THBS2: variants seen among roughly 807,000 people sequenced by gnomAD.
THBS2 encodes the protein thrombospondin 2, also known as thrombospondin-2.
THBS2 carries 47 observed loss-of-function variants against 135.2 expected under a neutral mutation model. That is an observed-to-expected ratio of 0.35 (90% CI 0.28 to 0.44). THBS2 has a LOEUF of 0.44. Ranked by LOEUF, THBS2 falls within the 20% of genes least tolerant of loss-of-function variation. The probability of loss-of-function intolerance (pLI) is 1.00; values close to 1 mark genes in which losing one functional copy is unlikely to be tolerated. For missense variants in THBS2, 1,288 were observed against 1,603.1 expected (o/e 0.80, Z 3.36); for synonymous variants, 639 against 633.8 (o/e 1.01, Z -0.12).
At chr6:169,231,550 C>T (rs1443428855) in intron 13 of THBS2, among the ~76,000 whole-genome samples, 4 of 152,170 alleles carry the variant, frequency 2.6e-5, no homozygotes, top group African/African-American at 9.7e-5. Flanking sequence ...CTGAGCAGCT[C>T]CTTATACTGC....
chr6:169,250,723 G>A lies in THBS2; in HGVS notation c.52+10C>T, dbSNP rs2115038479. On this transcript the variant is annotated intron_variant, in intron 2 of 21. Transcript: ENST00000617924. ...GCCAGAGAGAGACCACAGGCTCTGA[G>A]GACACTCACCTTGCGTGCTGGGCCA... 1 of 1,612,734 alleles carries A rather than the reference G, an allele frequency of 6.2e-7. No homozygotes were observed. Among genetic ancestry groups the A allele is most frequent in the Non-Finnish European group, 8.5e-7 (1 of 1,179,378 alleles).
At position 169,232,114 on chromosome 6, in the gene THBS2, C is replaced by T. The variant is rs146067041; in HGVS notation, c.2017G>A (p.Asp673Asn). ...TGGCACTCGCACTTGTACATGGGGT[C>T]GCTGAAGTGGCCCAGGTAGATGCAC... The part of the protein sequence containing the change: ...AECIYLGHFS[D>N]PMYKCECQTG... Residue 673 changes from aspartate (D) to asparagine (N), a missense_variant, in exon 13 of 22, where the codon GAC (aspartate) becomes AAC (asparagine). Asp to Asn is a conservative substitution (Grantham distance 23). Around this residue, in one of 2 missense-constraint regions of THBS2, gnomAD observed 874 missense variants for 1,156.1 expected, o/e 0.76. Coordinates refer to ENST00000617924, the MANE Select transcript of THBS2 (RefSeq NM_003247.5). The T allele has an allele frequency of 1.2e-6, 2 of 1,613,972 alleles. No individual in the cohort carries two copies. The highest frequency in any genetic ancestry group is 1.3e-5 in the African/African-American group (1 of 74,916).
rs1779803768 is a variant in THBS2 at position 169,230,768 on chromosome 6, A to C, written c.2152-1089T>G. ...CCTTCTGAAATCAGGGGCTTCAAGA[A>C]GGGTAGGCTGGGTAGCCAAGGGGTG... On this transcript the variant is annotated intron_variant, in intron 13 of 21. Coordinates refer to ENST00000617924, the MANE Select transcript of THBS2 (RefSeq NM_003247.5). Among the ~76,000 whole-genome samples the C allele has an allele frequency of 2.6e-5, 4 of 152,200 alleles. No individual in the cohort carries two copies. In the South Asian group the frequency reaches 8.3e-4, roughly 32 times the overall value.
At position 169,252,786 on chromosome 6, in the gene THBS2, T is replaced by G. The variant is rs1445607542; in HGVS notation, c.-23+938A>C. On this transcript the variant is annotated intron_variant, in intron 1 of 21. Coordinates refer to ENST00000617924, the MANE Select transcript of THBS2 (RefSeq NM_003247.5). The surrounding 1 kb of genome is among the most constrained non-coding windows in gnomAD (Gnocchi z 4.3). ...ACACATCCACGTTTATGCTTGTGTT[T>G]TTCCAAAAGAAAGATTTCGGTGCCT... Among the ~76,000 whole-genome samples the G allele has an allele frequency of 6.6e-6, 1 of 152,232 alleles. No individual in the cohort carries two copies. Among genetic ancestry groups the G allele is most frequent in the East Asian group, 1.9e-4 (1 of 5,192 alleles).
At chr6:169,238,276 G>T (rs1269121154) in intron 7 of THBS2, among the ~76,000 whole-genome samples, 2 of 152,150 alleles carry the variant, frequency 1.3e-5, no homozygotes, top group African/African-American at 2.4e-5. Context: ...CAAGTAAACT[G>T]AAACAAGCTA....
chr6:169,224,817 A>G (rs1450229213), intron 17 of THBS2, among the ~76,000 whole-genome samples: 1 of 152,132 alleles, frequency 6.6e-6, no homozygotes, highest in East Asian at 1.9e-4. Context: ...CAAATTCCCA[A>G]TTCATCCTAC....
Position 169,247,372 on chromosome 6 carries a change from CAT to C in THBS2, c.609+1043_609+1044del, listed in dbSNP as rs1296973757. Among the ~76,000 whole-genome samples the C allele has an allele frequency of 1.1e-4, 17 of 152,206 alleles. No homozygotes were observed. In the East Asian group the frequency reaches 1.5e-3, roughly 14 times the overall value. On this transcript the variant is annotated intron_variant, in intron 3 of 21. Transcript: ENST00000617924. ...GTGCACGTGTGCCTGTTTGTATACA[CAT>C]GTGTGATGGATGTATGTGCATGCAT...
rs1454524151 is a variant in THBS2, at chr6:169,250,801, G to A, written c.-17C>T. ...CCAGACCATCCTGCCTCCTGCAGCTGAGCTCCTGGGAATACAGGAAACCCT... is the reference window on the plus strand; with the variant it reads ...CCAGACCATCCTGCCTCCTGCAGCTAAGCTCCTGGGAATACAGGAAACCCT... On this transcript the variant is annotated 5_prime_UTR_variant, in exon 2 of 22. Transcript: ENST00000617924. 1 of 1,611,766 alleles carries A rather than the reference G, an allele frequency of 6.2e-7. No homozygotes were observed. The highest frequency in any genetic ancestry group is 1.1e-5 in the South Asian group (1 of 90,344).
rs757883279 is a variant in THBS2 at position 169,221,496 on chromosome 6, A to G, written c.3305T>C (p.Ile1102Thr). 8 of 1,613,968 alleles carry G rather than the reference A, an allele frequency of 5.0e-6. No homozygotes were observed. Among genetic ancestry groups the G allele is most frequent in the South Asian group, 2.2e-5 (2 of 91,080 alleles). Residue 1102 changes from isoleucine (I) to threonine (T), a missense_variant, in exon 20 of 22, where the codon ATT becomes ACT. Ile to Thr is a moderately conservative substitution (Grantham distance 89). Around this residue, in one of 2 missense-constraint regions of THBS2, gnomAD observed 874 missense variants for 1,156.1 expected, o/e 0.76. Coordinates refer to ENST00000617924, the MANE Select transcript of THBS2 (RefSeq NM_003247.5). ...ATAGGCCGTGTAGTCCTTCCAGCCA[A>G]TGTTCCTGGGGTCGTGCCATAAGGT... is the stretch of plus-strand genomic sequence containing the variant. ...VRTLWHDPRN[I>T]GWKDYTAYRW...
chr6:169,218,799 G>GAGATGGATGAGAT (rs1779300247), intron 21 of THBS2, among the ~76,000 whole-genome samples: 1 of 146,978 alleles, frequency 6.8e-6, no homozygotes, highest in Non-Finnish European at 1.5e-5. Flanking sequence ...GTTGGTGGAT[G>GAGATGGATGAGAT]AGATGGATGA....
intron 21 of THBS2, among the ~76,000 whole-genome samples, chr6:169,218,661 A>C (rs1319883782): frequency 1.1e-5 from 1 of 91,574 alleles, no homozygotes; most frequent in Non-Finnish European, 2.4e-5. Context: ...AATGGATGAG[A>C]TGGATGGGCG....
intron 6 of THBS2, 97 bp from the exon 7 acceptor site, chr6:169,239,792 T>G: frequency 1.1e-6 from 1 of 916,154 alleles, no homozygotes. Flanking sequence ...AATGGCTGAA[T>G]GTTTTCCATC....
intron 7 of THBS2, among the ~76,000 whole-genome samples, chr6:169,238,977 A>C (rs1223350160): frequency 6.6e-6 from 1 of 152,084 alleles, no homozygotes; most frequent in Non-Finnish European, 1.5e-5. Context: ...CAGCAGAGCT[A>C]ACTTGGGAAG....
rs755006363 is a variant in THBS2 at position 169,228,253 on chromosome 6, C to T, written c.2288G>A (p.Arg763His). ...KDNCQLLFNPRQADYDKDEVG... is the reference protein window; with the variant it reads ...KDNCQLLFNPHQADYDKDEVG... ...CTCATCCTTGTCATAGTCAGCCTGG[C>T]GGGGATTGAAGAGGAGCTGGCAGTT... Residue 763 changes from arginine (R) to histidine (H), a missense_variant, in exon 15 of 22, where the codon CGC (arginine) becomes CAC (histidine). Transcript: ENST00000617924. 7.4e-6 allele frequency: 12 copies of T among 1,613,890 alleles called. 1 individual carries two copies. The highest frequency in any genetic ancestry group is 6.6e-5 in the South Asian group (6 of 91,070).
intron 2 of THBS2, 90 bp downstream of exon 2, chr6:169,250,643 A>G (rs1291573893): frequency 8.0e-7 from 1 of 1,248,254 alleles, no homozygotes; most frequent in Non-Finnish European, 1.1e-6. Context: ...AAGATTGTCC[A>G]ACCACACACT....
In THBS2 at chr6:169,241,770, T is replaced by C. The variant is rs116195540; in HGVS notation, c.883A>G (p.Lys295Glu). The change falls in exon 5 of 22, where the codon AAG becomes GAG. Residue 295 changes from lysine to glutamate, a missense_variant. Lys to Glu is a moderately conservative substitution (Grantham distance 56). Coordinates refer to ENST00000617924, the MANE Select transcript of THBS2 (RefSeq NM_003247.5). The surrounding 1 kb of genome is among the most constrained non-coding windows in gnomAD (Gnocchi z 5.5). ...CCTGCGTGAGTACCCACCACTCTCT[T>C]GAGGTTCTCGCTGAGCTGGTTCACG... is the stretch of plus-strand genomic sequence containing the variant. Reference protein sequence around the residue: ...VLVNQLSENLKRVSNDNQFLW... With the variant: ...VLVNQLSENLERVSNDNQFLW... 2,584 of 1,609,044 alleles carry C rather than the reference T, an allele frequency of 1.6e-3. 26 individuals carry two copies. In the African/African-American group the frequency reaches 0.023, roughly 14 times the overall value.
At chr6:169,236,798 T>A (rs1487674458) in intron 9 of THBS2, among the ~76,000 whole-genome samples, 1 of 119,140 alleles carries the variant, frequency 8.4e-6, no homozygotes, top group African/African-American at 3.4e-5. Context: ...CCGTCCGCAC[T>A]CACTCCCATC....
chr6:169,249,158 G>A (rs917734400), intron 2 of THBS2, among the ~76,000 whole-genome samples, 185 bp from the exon 3 acceptor site: 2 of 152,160 alleles, frequency 1.3e-5, no homozygotes, highest in African/African-American at 2.4e-5. Context: ...ACTATCCTCC[G>A]TGCCAGTGCC....
intron 9 of THBS2, among the ~76,000 whole-genome samples, chr6:169,236,357 C>T (rs1780070091): frequency 8.8e-6 from 1 of 113,886 alleles, no homozygotes; most frequent in Non-Finnish European, 1.9e-5. Context: ...CATCCACACT[C>T]CCCATCCACA....
Sources: gnomAD v4.1 joint callset for allele counts (sites outside exome capture counted in the v4.1 genomes callset) on GRCh38, gnomAD v4.1.1 for gene constraint, gnomAD v4.1.1 regional missense constraint, Gnocchi (gnomAD v3.1) non-coding constraint, MANE v1.5 for transcripts, NCBI Gene and HGNC (gene_info 2026-07-23, HGNC 2026-07-21) for gene names.